The following SYNE2 variants were observed in gnomAD, a reference collection of about 807,000 sequenced individuals.
The protein encoded by SYNE2 is spectrin repeat containing nuclear envelope protein 2.
A neutral mutation model predicts 856.3 loss-of-function variants in SYNE2; 431 were observed. The observed-to-expected ratio is 0.50, with a 90% CI of 0.47 to 0.55. SYNE2 has a LOEUF of 0.55. Ranked by LOEUF, SYNE2 falls within the 20% of genes least tolerant of loss-of-function variation. The probability of loss-of-function intolerance (pLI) is 0.00; values close to 1 mark genes in which losing one functional copy is unlikely to be tolerated. For missense variants in SYNE2, 8,129 were observed against 8,023.2 expected (o/e 1.01, Z -0.50); for synonymous variants, 2,923 against 2,872.3 (o/e 1.02, Z -0.56).
rs773088047 is a variant in SYNE2 at position 63,949,936 on chromosome 14, A to G, written c.520A>G (p.Lys174Glu). 3.7e-6 allele frequency: 6 copies of G among 1,614,160 alleles called. No homozygotes were observed. Among genetic ancestry groups the G allele is most frequent in the African/African-American group, 2.7e-5 (2 of 75,032 alleles). Residue 174 changes from lysine (K) to glutamate (E), a missense_variant, in exon 7 of 116, where the codon AAA becomes GAA. Physicochemically the swap from Lys to Glu is moderately conservative, Grantham distance 56 (BLOSUM62 1). This residue lies in a region of SYNE2 where 2,422 missense variants were observed against 2,357.4 expected (regional missense o/e 1.03). Transcript: ENST00000555002. Reference protein sequence around the residue: ...ASSPPAKKCSKVQARWQMSAR... With the variant: ...ASSPPAKKCSEVQARWQMSAR... ...AAGTCCTCCAGCTAAGAAATGCTCT[A>G]AAGTGCAAGCAAGATGGCAAATGTC...
At chr14:63,858,059 G>T (rs1405998439) in intron 1 of SYNE2, among the ~76,000 whole-genome samples, 2 of 151,832 alleles carry the variant, frequency 1.3e-5, no homozygotes, top group Admixed American at 6.6e-5. Context: ...CATGACAGAA[G>T]GGCAAAGAGA....
At chr14:64,030,275 G>A (rs946130979) in intron 44 of SYNE2, among the ~76,000 whole-genome samples, 1 of 152,160 alleles carries the variant, frequency 6.6e-6, no homozygotes, top group Non-Finnish European at 1.5e-5. Flanking sequence ...TGGGCCCTCA[G>A]GGACAGTTTT....
chr14:64,001,286 T>A (rs1295214234), intron 28 of SYNE2, among the ~76,000 whole-genome samples: 1 of 152,240 alleles, frequency 6.6e-6, no homozygotes, highest in Non-Finnish European at 1.5e-5. Flanking sequence ...GTTTCTTAGT[T>A]GTCAAGGTGA....
Position 63,812,885 on chromosome 14 carries a change from A to G in SYNE2, c.-304-39616A>G, listed in dbSNP as rs189290876. On this transcript the variant is annotated intron_variant, in intron 1 of 23. Transcript: ENST00000674003. ...GCACATTCTGCACATGTATCCTGGA[A>G]CTTAATGTAAATTTTAAAAAAATTA... Among the ~76,000 whole-genome samples the G allele has an allele frequency of 1.3e-3, 204 of 152,302 alleles. 2 individuals carry two copies. Among genetic ancestry groups the G allele is most frequent in the Admixed American group, 4.6e-3 (70 of 15,274 alleles).
At position 63,995,170 on chromosome 14, in the gene SYNE2, G is replaced by A. The variant is rs767335788; in HGVS notation, c.2908G>A (p.Gly970Arg). 1.9e-5 allele frequency: 30 copies of A among 1,607,844 alleles called. No individual in the cohort carries two copies. The highest frequency in any genetic ancestry group is 2.5e-5 in the Non-Finnish European group (30 of 1,176,632). ...TAAAGAAAAGAAACTTATCCGTAGA[G>A]GAAGGACCAAGGGTCTCATCAAAGA... ...INKEKKLIRR[G>R]RTKGLIKEHE... The change falls in exon 23 of 116, where the codon GGA becomes AGA. Residue 970 changes from glycine (G) to arginine (R), a missense_variant. Gly to Arg is a moderately radical substitution (Grantham distance 125). Around this residue, in one of 3 missense-constraint regions of SYNE2, gnomAD observed 2,422 missense variants for 2,357.4 expected, o/e 1.03. Coordinates refer to ENST00000555002, the MANE Select transcript of SYNE2 (RefSeq NM_182914.3).
chr14:63,818,966 G>A (rs61985726), intron 1 of SYNE2, among the ~76,000 whole-genome samples: 67,600 of 151,490 alleles, frequency 0.45, 15,868 homozygotes, highest in South Asian at 0.55. Context: ...CCAGAGTGCT[G>A]GGATTACAGG....
intron 38 of SYNE2, chr14:64,024,011 C>G: frequency 2.2e-6 from 1 of 448,902 alleles, no homozygotes; most frequent in South Asian, 2.1e-5. Flanking sequence ...TGTAGCTGTC[C>G]TGGTCTTGCT....
At chr14:63,941,391 A>G (rs2095913380) in intron 3 of SYNE2, among the ~76,000 whole-genome samples, 1 of 152,220 alleles carries the variant, frequency 6.6e-6, no homozygotes, top group Non-Finnish European at 1.5e-5. Context: ...TGCTTTCCAG[A>G]TGGGTCACTA....
chr14:64,140,151 A>G, intron 80 of SYNE2, 78 bp downstream of exon 80: 1 of 1,427,826 alleles, frequency 7.0e-7, no homozygotes, highest in South Asian at 1.2e-5. Context: ...GGTTGATGTG[A>G]TAGTCTTCGT....
intron 103 of SYNE2, 36 bp from the exon 104 acceptor site, chr14:64,211,925 G>A (rs372991467): frequency 1.2e-6 from 2 of 1,613,880 alleles, no homozygotes; most frequent in Non-Finnish European, 1.7e-6. Context: ...TTGTTCCGTG[G>A]TCAGTAGAAA....
chr14:63,763,574 T>A (rs1886570667), intron 1 of SYNE2, among the ~76,000 whole-genome samples: 1 of 151,964 alleles, frequency 6.6e-6, no homozygotes, highest in African/African-American at 2.4e-5. Context: ...AGGCCAGCCA[T>A]CATGATGGCT....
At chr14:63,947,804 T>C (rs2096059684) in intron 6 of SYNE2, among the ~76,000 whole-genome samples, 1 of 151,796 alleles carries the variant, frequency 6.6e-6, no homozygotes, top group South Asian at 2.1e-4. Flanking sequence ...GCCATTGCCC[T>C]CCAGACGGGG....
At chr14:64,100,370 G>T (rs1194940250) in intron 63 of SYNE2, 1 of 151,034 alleles carries the variant, frequency 6.6e-6, no homozygotes, top group Non-Finnish European at 1.5e-5. Context: ...CAAAAAATTT[G>T]CCAGGTGTGG....
At chr14:63,806,268 G>A (rs547454675) in intron 1 of SYNE2, among the ~76,000 whole-genome samples, 17 of 152,252 alleles carry the variant, frequency 1.1e-4, no homozygotes, top group Non-Finnish European at 1.6e-4. Context: ...CTCTGTTTAC[G>A]TCACAAATTA....
chr14:64,093,725 A>AG (rs948541495), intron 61 of SYNE2, among the ~76,000 whole-genome samples: 5 of 152,196 alleles, frequency 3.3e-5, no homozygotes, highest in African/African-American at 4.8e-5. Context: ...GATCAAGAGA[A>AG]GCCTTATCTG....
intron 1 of SYNE2, among the ~76,000 whole-genome samples, chr14:63,796,405 C>A (rs372182676): frequency 1.3e-5 from 2 of 152,036 alleles, no homozygotes; most frequent in African/African-American, 4.8e-5. Context: ...TACAGTAAGA[C>A]GAGATCTCGC....
chr14:63,863,225 C>A (rs1242121817), intron 1 of SYNE2, among the ~76,000 whole-genome samples: 2 of 151,986 alleles, frequency 1.3e-5, no homozygotes, highest in Non-Finnish European at 2.9e-5. Flanking sequence ...AAAATCCGTT[C>A]GTCTTAGTCA....
rs150486470 is a variant in SYNE2 at position 63,947,752 on chromosome 14, G to A, written c.409-2073G>A. Among the ~76,000 whole-genome samples, 16 of 152,152 alleles carry A rather than the reference G, an allele frequency of 1.1e-4. No homozygotes were observed. The East Asian group carries it at 2.7e-3, about 26-fold the overall frequency. On this transcript the variant is annotated intron_variant, in intron 6 of 115. Transcript: ENST00000555002. ...CTCGAGAGGCTGAGGCAGGAGAATC[G>A]CTTGAACCTGGGAGGCGGAGGTTGC...
chr14:64,104,502 T>G (rs1234917380), intron 64 of SYNE2, among the ~76,000 whole-genome samples: 2 of 146,770 alleles, frequency 1.4e-5, no homozygotes, highest in Non-Finnish European at 3.0e-5. Context: ...CAGGCTGGAG[T>G]GCAGTGGTGC....
Sources: gnomAD v4.1 joint callset for allele counts (sites outside exome capture counted in the v4.1 genomes callset) on GRCh38, gnomAD v4.1.1 for gene constraint, gnomAD v4.1.1 regional missense constraint, MANE v1.5 for transcripts, NCBI Gene and HGNC (gene_info 2026-07-23, HGNC 2026-07-21) for gene names.